Variants in AP2B1 observed in about 807,000 individuals in gnomAD.
AP2B1 encodes the protein adaptor related protein complex 2 subunit beta 1.
In AP2B1, 23 loss-of-function variants were observed where a neutral mutation model predicts 102.0. The ratio of observed to expected loss-of-function variants is 0.23; its 90% confidence interval spans 0.16 to 0.32. The LOEUF (loss-of-function observed/expected upper bound fraction) is 0.32. Ranked by LOEUF, AP2B1 falls within the 10% of genes least tolerant of loss-of-function variation. AP2B1 has a pLI of 1.00. For missense variants in AP2B1, 541 were observed against 1,157.4 expected, an observed-to-expected ratio of 0.47 and a Z score of 7.73; for synonymous variants, 381 against 421.2, an observed-to-expected ratio of 0.90 and a Z score of 1.17.
intron 2 of AP2B1, chr17:35,597,044 G>A (rs2073311274): frequency 1.7e-6 from 1 of 587,476 alleles, no homozygotes. Flanking sequence ...GCCCCGTTGT[G>A]GGGGCCGTGG....
In AP2B1 at chr17:35,725,466, C is replaced by G. The variant is rs182261085; in HGVS notation, c.*1767C>G. On this transcript the variant is annotated 3_prime_UTR_variant, in exon 22 of 22. Coordinates refer to ENST00000610402, the MANE Select transcript of AP2B1 (RefSeq NM_001030006.2). ...ATGTCTGAAATAACCCTGTTTCATA[C>G]CAGTTGCAAAGCTTGTGGGGAGCGG... 6.6e-6 allele frequency: 1 copy of G among 152,298 alleles called. No homozygotes were observed. The highest frequency in any genetic ancestry group is 2.4e-5 in the African/African-American group (1 of 41,540). The allele number at this position is 152,298 out of a possible 1,614,324, so 9.4% of individuals were successfully genotyped here. A position where few individuals can be genotyped will look rare whatever the true frequency, so the allele number is the denominator to read the frequency against.
intron 18 of AP2B1, among the ~76,000 whole-genome samples, chr17:35,705,535 T>A (rs961262361): frequency 5.9e-5 from 9 of 152,230 alleles, no homozygotes; most frequent in Non-Finnish European, 1.3e-4. Context: ...TTTTTTTTTT[T>A]ATTTGAGATG....
At chr17:35,695,910 A>C (rs1350561792) in intron 18 of AP2B1, among the ~76,000 whole-genome samples, 2 of 152,150 alleles carry the variant, frequency 1.3e-5, no homozygotes, top group Non-Finnish European at 2.9e-5. Flanking sequence ...CTGAAGGACA[A>C]CTTGAGCTAT....
chr17:35,593,794 A>AT (rs1484005138), intron 1 of AP2B1, among the ~76,000 whole-genome samples: 7 of 152,202 alleles, frequency 4.6e-5, no homozygotes, highest in South Asian at 2.1e-4. Context: ...ACCCAGTTGC[A>AT]TTTGGCCTTT....
chr17:35,673,581 A>G (rs981139881), intron 16 of AP2B1, among the ~76,000 whole-genome samples: 32 of 152,332 alleles, frequency 2.1e-4, no homozygotes, highest in African/African-American at 7.2e-4. Context: ...TTAGGTAGAT[A>G]AAAAGAATAG....
chr17:35,657,372 G>A (rs1465778000), intron 13 of AP2B1, among the ~76,000 whole-genome samples: 1 of 151,964 alleles, frequency 6.6e-6, no homozygotes, highest in East Asian at 1.9e-4. Context: ...TAACTGACAA[G>A]GTTTACATAA....
intron 18 of AP2B1, among the ~76,000 whole-genome samples, chr17:35,695,143 T>C (rs587677517): frequency 3.9e-5 from 6 of 152,266 alleles, no homozygotes; most frequent in Admixed American, 3.9e-4. Flanking sequence ...TGACTGTTTC[T>C]GGCAACTGGA....
intron 12 of AP2B1, among the ~76,000 whole-genome samples, chr17:35,646,431 T>C (rs1206238312): frequency 1.3e-5 from 2 of 152,112 alleles, no homozygotes; most frequent in Non-Finnish European, 2.9e-5. Flanking sequence ...CTTTTCAGCC[T>C]TGGGAGATTT....
At chr17:35,720,573 ATTTTTTTTTTTTTT>A (rs1208973388) in intron 21 of AP2B1, among the ~76,000 whole-genome samples, 1 of 28,068 alleles carries the variant, frequency 3.6e-5, no homozygotes, top group South Asian at 2.0e-3. Context: ...ATATATATAT[ATTTTTTTTTTTTTT>A]TTTTTTTTTT....
chr17:35,597,069 C>T (rs2073313206), intron 2 of AP2B1: 3 of 557,060 alleles, frequency 5.4e-6, no homozygotes, highest in Non-Finnish European at 9.9e-6. Flanking sequence ...GGGCGAAGGA[C>T]CCCTGGGCGC....
At chr17:35,592,619 T>C (rs2073138033) in intron 1 of AP2B1, among the ~76,000 whole-genome samples, 1 of 152,204 alleles carries the variant, frequency 6.6e-6, no homozygotes, top group African/African-American at 2.4e-5. Flanking sequence ...CTCGGCTTAC[T>C]GCAGCTTCCG....
chr17:35,696,559 T>A (rs2076145818), intron 18 of AP2B1, among the ~76,000 whole-genome samples: 1 of 151,970 alleles, frequency 6.6e-6, no homozygotes, highest in Non-Finnish European at 1.5e-5. Context: ...GGCTAATTTT[T>A]TTATTTTTAT....
chr17:35,722,583 C>T (rs909631946), intron 21 of AP2B1, among the ~76,000 whole-genome samples: 2 of 139,486 alleles, frequency 1.4e-5, no homozygotes. Flanking sequence ...ATCTTCTTGA[C>T]CTTTTATTCA....
intron 12 of AP2B1, among the ~76,000 whole-genome samples, chr17:35,649,921 AC>A (rs35815425): frequency 6.6e-6 from 1 of 151,532 alleles, no homozygotes; most frequent in Non-Finnish European, 1.5e-5. Context: ...GCGGCTCTAC[AC>A]CCCGCCCTGA....
At chr17:35,679,651 CTATTT>C (rs1405153785) in intron 17 of AP2B1, among the ~76,000 whole-genome samples, 1 of 152,078 alleles carries the variant, frequency 6.6e-6, no homozygotes, top group East Asian at 1.9e-4. Flanking sequence ...TTTGTTTCCT[CTATTT>C]CATTTCTTAA....
At chr17:35,638,546 T>G (rs1346624155) in intron 10 of AP2B1, among the ~76,000 whole-genome samples, 1 of 152,128 alleles carries the variant, frequency 6.6e-6, no homozygotes, top group African/African-American at 2.4e-5. Flanking sequence ...CCCAGCACTT[T>G]GGGAGGCCGA....
rs1555566392 is a variant in AP2B1, at chr17:35,640,243, T to TCA, written c.1437+483_1437+484insCA. On this transcript the variant is annotated intron_variant, in intron 11 of 21. Coordinates refer to ENST00000610402, the MANE Select transcript of AP2B1 (RefSeq NM_001030006.2). The stretch of plus-strand genomic sequence containing the variant: ...GTTTTACTGATTTTTTTTTTTTTTT[T>TCA]TTTTTTTTTTTTGAGACAGTTTCAC... Among the ~76,000 whole-genome samples the TCA allele has an allele frequency of 4.8e-5, 7 of 146,738 alleles. No homozygotes were observed. In the South Asian group the frequency reaches 1.5e-3, roughly 32 times the overall value.
chr17:35,715,010 G>A (rs2076525345), intron 20 of AP2B1, among the ~76,000 whole-genome samples: 1 of 152,146 alleles, frequency 6.6e-6, no homozygotes, highest in South Asian at 2.1e-4. Flanking sequence ...CCTTATATCT[G>A]GCTTCCCTTG....
chr17:35,649,415 T>C (rs1199787724), intron 12 of AP2B1, among the ~76,000 whole-genome samples: 3 of 152,004 alleles, frequency 2.0e-5, no homozygotes, highest in East Asian at 1.9e-4. Context: ...ATTATAGGCA[T>C]GTGCCACCTT....
Sources: gnomAD v4.1 joint callset for allele counts (sites outside exome capture counted in the v4.1 genomes callset) on GRCh38, gnomAD v4.1.1 for gene constraint, MANE v1.5 for transcripts, NCBI Gene and HGNC (gene_info 2026-07-23, HGNC 2026-07-21) for gene names.